Variants in FLRT2 observed in about 807,000 individuals in gnomAD.
FLRT2 encodes fibronectin leucine rich transmembrane protein 2, also known as leucine-rich repeat transmembrane protein FLRT2.
In FLRT2, 15 loss-of-function variants were observed where a neutral mutation model predicts 40.0. That is an observed-to-expected ratio of 0.38 (90% CI 0.25 to 0.58). The LOEUF is 0.58. FLRT2 is among the 20% of genes least tolerant of loss of function. The pLI, the probability that FLRT2 is intolerant of heterozygous loss-of-function variation, is 0.71. For missense variants in FLRT2, 726 were observed against 840.0 expected (o/e 0.86, Z 1.68); for synonymous variants, 380 against 336.8 (o/e 1.13, Z -1.41).
chr14:85,559,869 T>A (rs1446129496), intron 1 of FLRT2, among the ~76,000 whole-genome samples: 2 of 152,188 alleles, frequency 1.3e-5, no homozygotes, highest in Non-Finnish European at 2.9e-5. Flanking sequence ...TAGCAGCGTT[T>A]AGTCAGTGAC....
In FLRT2 at chr14:85,639,842, T is replaced by TA. The variant is rs1566773359; in HGVS notation, c.*16345_*16346insA. 5 of 103,296 alleles carry TA rather than the reference T, an allele frequency of 4.8e-5. No individual in the cohort carries two copies. Among genetic ancestry groups the TA allele is most frequent in the Admixed American group, 1.1e-4 (1 of 8,994 alleles). The allele number at this position is 103,296 out of a possible 1,614,324, so 6.4% of individuals were successfully genotyped here. On this transcript the variant is annotated 3_prime_UTR_variant, in exon 2 of 2. Coordinates refer to ENST00000330753, the MANE Select transcript of FLRT2 (RefSeq NM_013231.6). ...TCACTAGCAGAAATTCTTTATTTTT[T>TA]TTTTTTTCCTTTTTTTTTTTTTTTG... is the stretch of plus-strand genomic sequence containing the variant.
In FLRT2 at chr14:85,623,672, A is replaced by G; in HGVS notation, c.*175A>G. The stretch of plus-strand genomic sequence containing the variant: ...TATAATGGGATTTAAAAAAAGTGCT[A>G]TCTTTTCTATTTCAAGTTAATTACA... On this transcript the variant is annotated 3_prime_UTR_variant, in exon 2 of 2. Transcript: ENST00000330753. 2.1e-6 allele frequency: 1 copy of G among 479,656 alleles called. No individual in the cohort carries two copies. The highest frequency in any genetic ancestry group is 3.6e-6 in the Non-Finnish European group (1 of 281,424). The allele number at this position is 479,656 out of a possible 1,614,324, so 29.7% of individuals were successfully genotyped here. A position where few individuals can be genotyped will look rare whatever the true frequency, so the allele number is the denominator to read the frequency against.
intron 1 of FLRT2, among the ~76,000 whole-genome samples, chr14:85,533,980 G>A (rs1282977965): frequency 6.6e-6 from 1 of 152,208 alleles, no homozygotes; most frequent in African/African-American, 2.4e-5. Context: ...AGGAGACCTC[G>A]AGAACCTTTG....
chr14:85,531,771 G>A (rs2139790509), intron 1 of FLRT2, among the ~76,000 whole-genome samples: 1 of 152,294 alleles, frequency 6.6e-6, no homozygotes, highest in East Asian at 1.9e-4. Context: ...GGGAGAAGAT[G>A]GGCTATGTAA....
chr14:85,613,065 G>A (rs377439790), intron 1 of FLRT2, among the ~76,000 whole-genome samples: 6 of 151,914 alleles, frequency 3.9e-5, no homozygotes, highest in East Asian at 1.9e-4. Context: ...CCTATTTTAC[G>A]TTGATTCTAA....
At chr14:85,613,940 T>G (rs1312773678) in intron 1 of FLRT2, among the ~76,000 whole-genome samples, 7 of 152,216 alleles carry the variant, frequency 4.6e-5, no homozygotes, top group African/African-American at 1.7e-4. Flanking sequence ...TAAAAGTTGA[T>G]GGATTCAGTA....
At chr14:85,606,439 T>A (rs2139342733) in intron 1 of FLRT2, among the ~76,000 whole-genome samples, 1 of 152,116 alleles carries the variant, frequency 6.6e-6, no homozygotes, top group African/African-American at 2.4e-5. Context: ...TACTACACAG[T>A]GTGGCCATCA....
At position 85,622,853 on chromosome 14, in the gene FLRT2, G is replaced by T. The variant is rs765263836; in HGVS notation, c.1339G>T (p.Val447Leu). 1 of 1,614,012 alleles carries T rather than the reference G, an allele frequency of 6.2e-7. No individual in the cohort carries two copies. Among genetic ancestry groups the T allele is most frequent in the Non-Finnish European group, 8.5e-7 (1 of 1,180,040 alleles). Residue 447 changes from valine (V) to leucine (L), a missense_variant, in exon 2 of 2, where the codon GTG becomes TTG. Coordinates refer to ENST00000330753, the MANE Select transcript of FLRT2 (RefSeq NM_013231.6). ...IQVSWLSLFT[V>L]MAYKLTWVKM... ...AGTCAGCTGGCTCTCTCTCTTCACC[G>T]TGATGGCATACAAACTCACATGGGT...
chr14:85,620,148 G>C (rs1893315775), intron 1 of FLRT2, among the ~76,000 whole-genome samples: 1 of 152,160 alleles, frequency 6.6e-6, no homozygotes, highest in African/African-American at 2.4e-5. Flanking sequence ...GAGGAAGGGA[G>C]ACAAGAAGTG....
rs1894126446 is a variant in FLRT2, at chr14:85,640,501, G to C, written c.*17004G>C. The C allele has an allele frequency of 6.6e-6, 1 of 152,082 alleles. No individual in the cohort carries two copies. The highest frequency in any genetic ancestry group is 6.6e-5 in the Admixed American group (1 of 15,262). 9.4% of individuals were successfully genotyped at this position (152,082 alleles called of 1,614,324 possible). Reference sequence around the variant, plus strand: ...TGTTTAATTCATAGGAAAGCCACTGGGAGCCTTCTGGGAGCCAGAAGCAAA... The same window carrying C: ...TGTTTAATTCATAGGAAAGCCACTGCGAGCCTTCTGGGAGCCAGAAGCAAA... On this transcript the variant is annotated 3_prime_UTR_variant, in exon 2 of 2. Transcript: ENST00000330753.
rs889372323 is a variant in FLRT2 at position 85,612,081 on chromosome 14, A to T, written c.-376-9058A>T. ...CTTTTCAAAAAAAAAAAAAAAAAAA[A>T]AAAGACTAAGTCATTGTGTGCACCT... On this transcript the variant is annotated intron_variant, in intron 1 of 1. Transcript: ENST00000330753. 7.9e-5 allele frequency among the ~76,000 whole-genome samples: 12 copies of T among 151,196 alleles called. 1 individual carries two copies. In the East Asian group the frequency reaches 1.9e-3, roughly 24 times the overall value.
intron 1 of FLRT2, chr14:85,561,214 T>C (rs1316786846): frequency 2.6e-5 from 4 of 152,164 alleles, no homozygotes; most frequent in Non-Finnish European, 5.9e-5. Flanking sequence ...TCCTGAGCAG[T>C]GTGTAATTCT....
At chr14:85,581,485 G>A (rs1008592706) in intron 1 of FLRT2, among the ~76,000 whole-genome samples, 5 of 152,138 alleles carry the variant, frequency 3.3e-5, no homozygotes, top group African/African-American at 1.2e-4. Context: ...CCACTTCTTG[G>A]AGCAATATGG....
intron 1 of FLRT2, among the ~76,000 whole-genome samples, chr14:85,586,197 G>A (rs1172194863): frequency 1.3e-5 from 2 of 150,306 alleles, no homozygotes; most frequent in Non-Finnish European, 3.0e-5. Flanking sequence ...ACAACTCCAT[G>A]ATTTTATCTT....
intron 1 of FLRT2, among the ~76,000 whole-genome samples, chr14:85,587,332 T>C (rs1891668394): frequency 6.6e-6 from 1 of 150,910 alleles, no homozygotes; most frequent in Admixed American, 6.6e-5. Flanking sequence ...ATCTTGATCA[T>C]TGTAATTGGC....
chr14:85,599,117 T>C (rs896415612), intron 1 of FLRT2, among the ~76,000 whole-genome samples: 2 of 151,932 alleles, frequency 1.3e-5, no homozygotes, highest in African/African-American at 4.8e-5. Context: ...AGACAGGTTT[T>C]CACTGTGTTA....
intron 1 of FLRT2, among the ~76,000 whole-genome samples, chr14:85,597,606 G>C (rs914709001): frequency 6.6e-6 from 1 of 152,128 alleles, no homozygotes; most frequent in Non-Finnish European, 1.5e-5. Flanking sequence ...GCCCAATCCA[G>C]AGTGCAATGG....
At chr14:85,565,957 T>C (rs1890598420) in intron 1 of FLRT2, among the ~76,000 whole-genome samples, 1 of 152,082 alleles carries the variant, frequency 6.6e-6, no homozygotes, top group Admixed American at 6.6e-5. Context: ...GATGAAAGGA[T>C]GAATAAGCAA....
rs969613032 is a variant in FLRT2 at position 85,633,557 on chromosome 14, G to T, written c.*10060G>T. The T allele has an allele frequency of 4.0e-5, 6 of 151,874 alleles. No individual in the cohort carries two copies. The highest frequency in any genetic ancestry group is 3.9e-4 in the Admixed American group (6 of 15,240). The allele number at this position is 151,874 out of a possible 1,614,324, so 9.4% of individuals were successfully genotyped here. ...CTCATGCCTATAATCGCAGTACTTT[G>T]GGAGGCCAAGGTGGGAGGATTGCTT... On this transcript the variant is annotated 3_prime_UTR_variant, in exon 2 of 2. Transcript: ENST00000330753.
Sources: gnomAD v4.1 joint callset for allele counts (sites outside exome capture counted in the v4.1 genomes callset) on GRCh38, gnomAD v4.1.1 for gene constraint, MANE v1.5 for transcripts, NCBI Gene and HGNC (gene_info 2026-07-23, HGNC 2026-07-21) for gene names.